The following SYNPR variants were observed in gnomAD, a reference collection of about 807,000 sequenced individuals.
The protein encoded by SYNPR is synaptoporin.
Under a neutral mutation model 32.9 loss-of-function variants are expected in SYNPR, and 23 were observed. The ratio of observed to expected loss-of-function variants is 0.70; its 90% CI spans 0.50 to 0.99. The LOEUF (loss-of-function observed/expected upper bound fraction) is 0.99. Among genes scored for constraint, SYNPR ranks in the 50% least tolerant of loss-of-function variants. The pLI is 0.00. For missense variants in SYNPR, 318 were observed against 349.3 expected (o/e 0.91, Z 0.71); for synonymous variants, 146 against 135.9 (o/e 1.07, Z -0.52).
chr3:63,429,061 A>G (rs771791206), intron 2 of SYNPR, among the ~76,000 whole-genome samples: 18 of 152,242 alleles, frequency 1.2e-4, no homozygotes, highest in Non-Finnish European at 2.5e-4. Flanking sequence ...GAAAATGCAG[A>G]GAACTGATGT....
chr3:63,361,558 A>G (rs866945428), intron 2 of SYNPR, among the ~76,000 whole-genome samples: 17 of 147,020 alleles, frequency 1.2e-4, no homozygotes, highest in Middle Eastern at 7.4e-3. Flanking sequence ...AGATTGCACC[A>G]CTGCGCTCCA....
intron 2 of SYNPR, among the ~76,000 whole-genome samples, chr3:63,306,134 A>G (rs2086908586): frequency 1.3e-5 from 2 of 151,974 alleles, no homozygotes; most frequent in South Asian, 2.1e-4. Flanking sequence ...TTATAAGAGT[A>G]ACATTTGTAC....
intron 2 of SYNPR, among the ~76,000 whole-genome samples, chr3:63,425,931 C>T (rs1193879303): frequency 1.3e-5 from 2 of 151,852 alleles, no homozygotes; most frequent in Admixed American, 6.6e-5. Context: ...TACAGGCATG[C>T]GCCACCACGC....
chr3:63,573,922 A>G (rs1025832364), intron 4 of SYNPR, among the ~76,000 whole-genome samples: 4 of 152,194 alleles, frequency 2.6e-5, no homozygotes, highest in Admixed American at 6.5e-5. Flanking sequence ...CTAAATTTCA[A>G]GCTACCAGGT....
At chr3:63,371,678 G>A (rs1304092922) in intron 2 of SYNPR, among the ~76,000 whole-genome samples, 1 of 152,202 alleles carries the variant, frequency 6.6e-6, no homozygotes, top group Non-Finnish European at 1.5e-5. Context: ...CCACAGAGAA[G>A]TGGCCAGACT....
chr3:63,487,585 G>A (rs1701180186), intron 3 of SYNPR, among the ~76,000 whole-genome samples: 3 of 152,256 alleles, frequency 2.0e-5, no homozygotes, highest in South Asian at 4.1e-4. Context: ...TACCCAGAAT[G>A]GGATCTTCCC....
At chr3:63,390,555 G>C (rs1026212211) in intron 2 of SYNPR, among the ~76,000 whole-genome samples, 1 of 152,306 alleles carries the variant, frequency 6.6e-6, no homozygotes, top group Admixed American at 6.5e-5. Context: ...AGACGAAATA[G>C]AGCCCGTTGT....
At chr3:63,390,586 C>T (rs2088119964) in intron 2 of SYNPR, among the ~76,000 whole-genome samples, 1 of 152,196 alleles carries the variant, frequency 6.6e-6, no homozygotes, top group African/African-American at 2.4e-5. Flanking sequence ...GTCAGACAGA[C>T]CTGGATATGC....
At chr3:63,580,756 T>C (rs963980860) in intron 4 of SYNPR, among the ~76,000 whole-genome samples, 6 of 152,178 alleles carry the variant, frequency 3.9e-5, no homozygotes, top group African/African-American at 1.2e-4. Context: ...CTTGACAAGT[T>C]AGTCTCCTTA....
At chr3:63,534,234 TA>T (rs1702162395) in intron 3 of SYNPR, among the ~76,000 whole-genome samples, 1 of 152,174 alleles carries the variant, frequency 6.6e-6, no homozygotes, top group South Asian at 2.1e-4. Flanking sequence ...AGTCATCAAA[TA>T]ATGGCTAAAT....
chr3:63,504,959 C>T (rs1177153731), intron 3 of SYNPR, among the ~76,000 whole-genome samples: 1 of 151,774 alleles, frequency 6.6e-6, no homozygotes, highest in East Asian at 1.9e-4. Flanking sequence ...TCTGAGATGA[C>T]TGAGAAAGAG....
At position 63,232,483 on chromosome 3, in the gene SYNPR, G is replaced by A. The variant is rs148136881; in HGVS notation, n.66+4103G>A. Among the ~76,000 whole-genome samples the A allele has an allele frequency of 6.6e-5, 10 of 152,222 alleles. 1 individual carries two copies. The highest frequency in any genetic ancestry group is 8.8e-5 in the Non-Finnish European group (6 of 68,006). ...CTCCCAAAGTGCTGGGATTACTGGC[G>A]TGAGCCACACCGTGCCCTGCCCCAG... is the stretch of plus-strand genomic sequence containing the variant. On this transcript the variant is annotated intron_variant and non_coding_transcript_variant, in intron 1 of 4. Coordinates refer to the SYNPR transcript ENST00000478456.
At chr3:63,434,932 A>C (rs1700054543) in intron 2 of SYNPR, among the ~76,000 whole-genome samples, 4 of 152,238 alleles carry the variant, frequency 2.6e-5, no homozygotes, top group Admixed American at 2.0e-4. Context: ...ATTGTGTGCT[A>C]TGCAGGACGG....
chr3:63,514,703 T>C (rs1204463755), intron 3 of SYNPR, among the ~76,000 whole-genome samples: 1 of 152,112 alleles, frequency 6.6e-6, no homozygotes, highest in East Asian at 1.9e-4. Flanking sequence ...TTAACAAGAA[T>C]CAGATCAACC....
intron 2 of SYNPR, among the ~76,000 whole-genome samples, chr3:63,307,592 C>G (rs2086920821): frequency 6.6e-6 from 1 of 151,938 alleles, no homozygotes; most frequent in African/African-American, 2.4e-5. Flanking sequence ...GCAGTTTCAC[C>G]ACCCTTCCTT....
chr3:63,202,582 G>T, the SYNPR span, among the ~76,000 whole-genome samples: 2 of 117,076 alleles, frequency 1.7e-5, no homozygotes, highest in Non-Finnish European at 3.6e-5. Flanking sequence ...AGTGGGTTGA[G>T]GATATGAAAA....
intron 4 of SYNPR, among the ~76,000 whole-genome samples, chr3:63,595,738 TA>T (rs1186109518): frequency 4.9e-5 from 2 of 41,028 alleles, no homozygotes; most frequent in Non-Finnish European, 7.1e-5. Context: ...TATATATATA[TA>T]TATATATATA....
chr3:63,345,685 C>T (rs1194925977), intron 2 of SYNPR, among the ~76,000 whole-genome samples: 1 of 152,130 alleles, frequency 6.6e-6, no homozygotes, highest in African/African-American at 2.4e-5. Context: ...AGGCAGCTTC[C>T]TGAGGAGAGG....
intron 2 of SYNPR, among the ~76,000 whole-genome samples, chr3:63,332,307 C>T (rs183814358): frequency 1.4e-3 from 216 of 152,300 alleles, no homozygotes; most frequent in Admixed American, 2.4e-3. Flanking sequence ...TGACTGTGCT[C>T]TGCCACCCTC....
Sources: allele counts gnomAD v4.1 joint callset (sites outside exome capture counted in the v4.1 genomes callset), GRCh38; gene constraint gnomAD v4.1.1; transcripts MANE v1.5; gene names NCBI Gene and HGNC (gene_info 2026-07-23, HGNC 2026-07-21).